ATG10: variants seen among roughly 807,000 people sequenced by gnomAD.
The protein encoded by ATG10 is ubiquitin-like-conjugating enzyme ATG10.
In ATG10, 30 loss-of-function variants were observed where a neutral mutation model predicts 32.1. The observed-to-expected ratio is 0.94, with a 90% CI of 0.70 to 1.27. ATG10 has a LOEUF of 1.27. Among genes scored for constraint, ATG10 ranks in the 50% most tolerant of loss-of-function variants. ATG10 has a pLI of 0.00. For synonymous variants in ATG10, 87 were observed against 91.5 expected (o/e 0.95, Z 0.28); for missense variants, 233 against 262.3 (o/e 0.89, Z 0.77).
intron 5 of ATG10, among the ~76,000 whole-genome samples, chr5:82,183,086 A>G (rs1440721121): frequency 6.6e-6 from 1 of 151,720 alleles, no homozygotes; most frequent in East Asian, 1.9e-4. Flanking sequence ...ATCTACAACT[A>G]TCTCAAAATA....
rs576920974 is a variant in ATG10 at position 82,162,701 on chromosome 5, T to G, written c.217-1698T>G. Among the ~76,000 whole-genome samples, 355 of 152,202 alleles carry G rather than the reference T, an allele frequency of 2.3e-3. 1 individual carries two copies. The highest frequency in any genetic ancestry group is 8.2e-3 in the African/African-American group (341 of 41,544). The stretch of plus-strand genomic sequence containing the variant: ...CACAACAGCAACTATGGTGTGGTCA[T>G]GCAGTGAAATATAGAGAAGGCATTA... On this transcript the variant is annotated intron_variant, in intron 3 of 7. Transcript: ENST00000282185.
chr5:82,162,795 T>C (rs1449948498), intron 3 of ATG10, among the ~76,000 whole-genome samples: 1 of 133,832 alleles, frequency 7.5e-6, no homozygotes, highest in Non-Finnish European at 1.5e-5. Context: ...AAATATCCAC[T>C]CTAGGAGCAT....
intron 5 of ATG10, among the ~76,000 whole-genome samples, chr5:82,218,052 T>TACACACACACACACACACACAC (rs60254193): frequency 5.5e-5 from 8 of 145,186 alleles, no homozygotes; most frequent in African/African-American, 7.7e-5. Context: ...GTTCTCTCTT[T>TACACACACACACACACACACAC]ACACACACAC....
At chr5:82,174,860 G>C (rs1337343037) in intron 4 of ATG10, among the ~76,000 whole-genome samples, 1 of 152,176 alleles carries the variant, frequency 6.6e-6, no homozygotes, top group African/African-American at 2.4e-5. Context: ...GTGCTAAAGA[G>C]ACTGCAGTGG....
At chr5:81,987,719 T>TTTTTG (rs1487641676) in intron 2 of ATG10, 41 bp downstream of exon 2, 1 of 1,517,278 alleles carries the variant, frequency 6.6e-7, no homozygotes, top group South Asian at 1.2e-5. Context: ...AAAAGAGGAT[T>TTTTTG]TTTTGTTTTG....
intron 5 of ATG10, among the ~76,000 whole-genome samples, chr5:82,249,620 A>G (rs959612804): frequency 1.3e-5 from 2 of 152,230 alleles, no homozygotes; most frequent in African/African-American, 4.8e-5. Context: ...CACAGTTACC[A>G]GATGAGGAAA....
chr5:82,112,402 T>G (rs950591324), intron 3 of ATG10, among the ~76,000 whole-genome samples: 2 of 151,870 alleles, frequency 1.3e-5, no homozygotes, highest in African/African-American at 4.8e-5. Flanking sequence ...TTTTTTCAGA[T>G]TTTGGGGGGT....
intron 4 of ATG10, among the ~76,000 whole-genome samples, chr5:82,175,698 A>G (rs1476796423): frequency 2.0e-5 from 3 of 152,284 alleles, no homozygotes; most frequent in East Asian, 3.9e-4. Flanking sequence ...CTCTCCCTGG[A>G]ACGCTGTGCC....
chr5:82,155,650 T>A (rs1767772259), intron 3 of ATG10, among the ~76,000 whole-genome samples: 1 of 152,188 alleles, frequency 6.6e-6, no homozygotes, highest in African/African-American at 2.4e-5. Flanking sequence ...ACTGGGCTTA[T>A]TCAATATGGG....
intron 4 of ATG10, among the ~76,000 whole-genome samples, chr5:82,175,033 T>A (rs1385259688): frequency 6.6e-6 from 1 of 152,166 alleles, no homozygotes; most frequent in Admixed American, 6.6e-5. Flanking sequence ...GTCTAAGCCA[T>A]CTCAACCAGT....
At position 82,197,012 on chromosome 5, in the gene ATG10, T is replaced by G. The variant is rs553922406; in HGVS notation, c.453+18425T>G. On this transcript the variant is annotated intron_variant, in intron 5 of 7. Transcript: ENST00000282185. ...TTGCCATCTTAACAAGATTCTATCT[T>G]CCAATTCATCAATACGGAATGTCTT... Among the ~76,000 whole-genome samples the G allele has an allele frequency of 1.1e-4, 17 of 152,304 alleles. No homozygotes were observed. In the South Asian group the frequency reaches 1.9e-3, roughly 17 times the overall value.
intron 5 of ATG10, among the ~76,000 whole-genome samples, chr5:82,202,935 G>A (rs1354450449): frequency 3.3e-5 from 5 of 151,988 alleles, no homozygotes; most frequent in Non-Finnish European, 7.4e-5. Context: ...AAAGACAAAA[G>A]AAGTAATGGG....
intron 3 of ATG10, among the ~76,000 whole-genome samples, chr5:82,064,549 TTC>T (rs1763881326): frequency 6.6e-6 from 1 of 152,080 alleles, no homozygotes; most frequent in Non-Finnish European, 1.5e-5. Flanking sequence ...CTTTAACAGG[TTC>T]TCTTTCAACA....
At chr5:82,049,478 C>A (rs1220687985) in intron 2 of ATG10, among the ~76,000 whole-genome samples, 5 of 151,594 alleles carry the variant, frequency 3.3e-5, no homozygotes, top group Non-Finnish European at 7.4e-5. Flanking sequence ...TGCAGCGCAC[C>A]AGCATGGCAC....
chr5:82,045,562 C>T (rs555924570), intron 2 of ATG10, among the ~76,000 whole-genome samples: 9 of 152,230 alleles, frequency 5.9e-5, no homozygotes, highest in Admixed American at 3.3e-4. Context: ...AACAGCTTTT[C>T]TCCTTTTTCT....
chr5:82,148,627 T>C (rs893125457), intron 3 of ATG10, among the ~76,000 whole-genome samples: 1 of 152,222 alleles, frequency 6.6e-6, no homozygotes, highest in Non-Finnish European at 1.5e-5. Context: ...TCATTAGGGT[T>C]ATCTACTCTT....
intron 3 of ATG10, among the ~76,000 whole-genome samples, chr5:82,116,353 AATTG>A (rs2149820410): frequency 6.6e-6 from 1 of 152,182 alleles, no homozygotes; most frequent in South Asian, 2.1e-4. Flanking sequence ...TATTTCATTA[AATTG>A]ATTATTGGTT....
At chr5:82,002,366 C>T (rs925080962) in intron 2 of ATG10, among the ~76,000 whole-genome samples, 4 of 152,074 alleles carry the variant, frequency 2.6e-5, no homozygotes, top group Non-Finnish European at 5.9e-5. Flanking sequence ...CAGCACTTTT[C>T]ACAATAACAG....
chr5:81,994,752 C>T (rs184060493), intron 2 of ATG10, among the ~76,000 whole-genome samples: 7 of 152,294 alleles, frequency 4.6e-5, no homozygotes, highest in Admixed American at 2.0e-4. Flanking sequence ...CTCTAGCCTT[C>T]TTAGTTTGCA....
Sources: gnomAD v4.1 joint callset for allele counts (sites outside exome capture counted in the v4.1 genomes callset) on GRCh38, gnomAD v4.1.1 for gene constraint, MANE v1.5 for transcripts, NCBI Gene and HGNC (gene_info 2026-07-23, HGNC 2026-07-21) for gene names.